The following PPP4R2 variants were observed in gnomAD, a reference collection of about 807,000 sequenced individuals.
The protein encoded by PPP4R2 is protein phosphatase 4 regulatory subunit 2.
In PPP4R2, 13 loss-of-function variants were observed where a neutral mutation model predicts 47.2. The ratio of observed to expected loss-of-function variants is 0.28; its 90% CI spans 0.18 to 0.44. The LOEUF (loss-of-function observed/expected upper bound fraction) is 0.44, where lower values mean the gene tolerates loss of function less well. Among genes scored for constraint, PPP4R2 ranks in the 20% least tolerant of loss-of-function variants. The pLI, the probability that PPP4R2 is intolerant of heterozygous loss-of-function variation, is 1.00. For synonymous variants in PPP4R2, 151 were observed against 163.3 expected (o/e 0.92, Z 0.57); for missense variants, 421 against 491.2 (o/e 0.86, Z 1.35).
intron 5 of PPP4R2, chr3:73,063,464 AAAT>A (rs1702918489): frequency 2.2e-6 from 1 of 452,950 alleles, no homozygotes. Flanking sequence ...TCTCTACTAA[AAAT>A]AAAAAAAATA....
chr3:73,015,315 G>C (rs1482445901), intron 2 of PPP4R2, among the ~76,000 whole-genome samples: 1 of 150,834 alleles, frequency 6.6e-6, no homozygotes, highest in Non-Finnish European at 1.5e-5. Flanking sequence ...GAGTAGCTGG[G>C]ATTACAGGTG....
intron 7 of PPP4R2, among the ~76,000 whole-genome samples, chr3:73,064,484 A>G (rs1326377473): frequency 6.6e-6 from 1 of 152,236 alleles, no homozygotes; most frequent in African/African-American, 2.4e-5. Context: ...TGTAGTTCAT[A>G]AAAGGACACC....
rs755392232 is a variant in PPP4R2 at position 73,062,848 on chromosome 3, T to G, written c.420-825T>G. 1.9e-6 allele frequency: 3 copies of G among 1,613,804 alleles called. No individual in the cohort carries two copies. The South Asian group carries it at 3.3e-5, about 18-fold the overall frequency. On this transcript the variant is annotated intron_variant, in intron 5 of 8. Transcript: ENST00000356692. ...TGGGTTGGAGAATTAATGTTCACAC[T>G]TCTATTTGGAGACTTTGAATCCCCT...
intron 2 of PPP4R2, among the ~76,000 whole-genome samples, chr3:73,045,804 C>T (rs2035809): frequency 0.39 from 58,657 of 152,012 alleles, 12,000 homozygotes; most frequent in South Asian, 0.56. Flanking sequence ...CCATCACACC[C>T]AGTCTGCTAA....
chr3:73,059,167 G>GTGT (rs2107334297), intron 4 of PPP4R2, 37 bp downstream of exon 4: 2 of 1,015,610 alleles, frequency 2.0e-6, no homozygotes, highest in Non-Finnish European at 3.0e-6. Context: ...TTATGCTGTG[G>GTGT]TGTAATAGCT....
At chr3:73,010,121 A>T (rs1008123322) in intron 2 of PPP4R2, among the ~76,000 whole-genome samples, 1 of 152,246 alleles carries the variant, frequency 6.6e-6, no homozygotes, top group Non-Finnish European at 1.5e-5. Flanking sequence ...ATGATATGAA[A>T]CAGTAGTAAT....
chr3:73,045,952 A>AT (rs1331460659), intron 2 of PPP4R2, among the ~76,000 whole-genome samples: 1 of 152,158 alleles, frequency 6.6e-6, no homozygotes, highest in South Asian at 2.1e-4. Context: ...ATGCAGCATA[A>AT]TTTTTTTAAT....
intron 2 of PPP4R2, among the ~76,000 whole-genome samples, chr3:73,024,947 G>T (rs936725020): frequency 2.0e-5 from 3 of 152,142 alleles, no homozygotes; most frequent in Non-Finnish European, 4.4e-5. Flanking sequence ...TGAGGATGGA[G>T]CCCAGGGACC....
At chr3:73,061,492 T>G (rs1702857350) in intron 5 of PPP4R2, 1 of 155,330 alleles carries the variant, frequency 6.4e-6, no homozygotes, top group Non-Finnish European at 1.4e-5. Flanking sequence ...GGATACAATT[T>G]CTCAACCTTG....
chr3:73,062,784 A>G, intron 5 of PPP4R2: 3 of 1,614,006 alleles, frequency 1.9e-6, no homozygotes, highest in Non-Finnish European at 2.5e-6. Context: ...AATCAGCTGC[A>G]ATGCAGAATC....
rs1165327074 is a variant in PPP4R2 at position 73,066,409 on chromosome 3, T to TG, written c.*688dup. 2.0e-5 allele frequency: 3 copies of TG among 152,074 alleles called. No homozygotes were observed. The East Asian group carries it at 5.8e-4, about 29-fold the overall frequency. The allele number at this position is 152,074 out of a possible 1,614,324, so 9.4% of individuals were successfully genotyped here. A position where few individuals can be genotyped will look rare whatever the true frequency, so the allele number is the denominator to read the frequency against. On this transcript the variant is annotated 3_prime_UTR_variant, in exon 9 of 9. Transcript: ENST00000356692. ...TAATTGAAATAAAATCTGGCCCTTG[T>TG]GAAACCCTGGAAATCTTAAGTCTGT...
chr3:73,021,158 G>A (rs1032164378), intron 2 of PPP4R2, among the ~76,000 whole-genome samples: 1 of 151,946 alleles, frequency 6.6e-6, no homozygotes, highest in African/African-American at 2.4e-5. Context: ...AATGTTTTAA[G>A]TGAACTCATA....
At chr3:73,059,888 T>G (rs1027711703) in intron 4 of PPP4R2, among the ~76,000 whole-genome samples, 1 of 143,576 alleles carries the variant, frequency 7.0e-6, no homozygotes, top group Admixed American at 7.3e-5. Flanking sequence ...AGAGCTGAGA[T>G]GGCACCATTG....
At chr3:73,042,198 T>C (rs73099344) in intron 2 of PPP4R2, among the ~76,000 whole-genome samples, 2,330 of 152,260 alleles carry the variant, frequency 0.015, 23 homozygotes, top group Non-Finnish European at 0.023. Flanking sequence ...TTATGTCTTA[T>C]GAGCATCTTT....
intron 2 of PPP4R2, among the ~76,000 whole-genome samples, chr3:73,035,420 T>C (rs570099206): frequency 2.6e-4 from 39 of 151,744 alleles, no homozygotes; most frequent in African/African-American, 9.2e-4. Flanking sequence ...GAAAAAGAAA[T>C]GGCAGATTCT....
chr3:73,058,755 C>T (rs1230413056), intron 3 of PPP4R2, among the ~76,000 whole-genome samples: 1 of 151,910 alleles, frequency 6.6e-6, no homozygotes, highest in Non-Finnish European at 1.5e-5. Flanking sequence ...CTTATTCATT[C>T]TAACTATATT....
At chr3:73,020,895 G>T (rs1352591073) in intron 2 of PPP4R2, among the ~76,000 whole-genome samples, 1 of 151,942 alleles carries the variant, frequency 6.6e-6, no homozygotes, top group Non-Finnish European at 1.5e-5. Context: ...CTTCTTATAA[G>T]GGTCCTAATC....
intron 3 of PPP4R2, among the ~76,000 whole-genome samples, chr3:73,057,645 A>G (rs1702753834): frequency 6.6e-6 from 1 of 152,184 alleles, no homozygotes; most frequent in Non-Finnish European, 1.5e-5. Context: ...CACTTTAAGC[A>G]CTTTCAGAAT....
At chr3:73,049,323 C>T (rs927356639) in intron 3 of PPP4R2, among the ~76,000 whole-genome samples, 2 of 151,868 alleles carry the variant, frequency 1.3e-5, no homozygotes, top group Admixed American at 6.6e-5. Flanking sequence ...ACGGTGAAAC[C>T]CCGTCTCTAC....
Sources: gnomAD v4.1 joint callset for allele counts (sites outside exome capture counted in the v4.1 genomes callset) on GRCh38, gnomAD v4.1.1 for gene constraint, MANE v1.5 for transcripts, NCBI Gene and HGNC (gene_info 2026-07-23, HGNC 2026-07-21) for gene names.